The following RLN2 variants were observed in gnomAD, a reference collection of about 807,000 sequenced individuals.
RLN2 encodes prorelaxin H2.
In RLN2, 10 loss-of-function variants were observed where a neutral mutation model predicts 7.3. The observed-to-expected ratio is 1.36, with a 90% CI of 0.84 to 2.31. The LOEUF is 2.31. Among genes scored for constraint, RLN2 ranks in the 30% most tolerant of loss-of-function variants. The pLI is 0.00. For missense variants in RLN2, 298 were observed against 217.6 expected, an observed-to-expected ratio of 1.37 and a Z score of -2.32; for synonymous variants, 103 against 82.3, an observed-to-expected ratio of 1.25 and a Z score of -1.36.
chr9:5,301,263 C>G (rs1333710454), intron 1 of RLN2, among the ~76,000 whole-genome samples: 1 of 152,186 alleles, frequency 6.6e-6, no homozygotes, highest in African/African-American at 2.4e-5. Flanking sequence ...GCATCCCAGG[C>G]TGGCCAAATG....
the RLN2 span, among the ~76,000 whole-genome samples, chr9:5,328,278 T>C: frequency 2.0e-5 from 3 of 151,968 alleles, no homozygotes; most frequent in Non-Finnish European, 2.9e-5. Flanking sequence ...CAAGCTTCAA[T>C]TGCTGATTCG....
At chr9:5,330,732 T>C in the RLN2 span, among the ~76,000 whole-genome samples, 1 of 92,372 alleles carries the variant, frequency 1.1e-5, no homozygotes, top group Non-Finnish European at 2.1e-5. Context: ...AAGAAATAAC[T>C]AAGATCAGAG....
chr9:5,306,107 T>G (rs370557183), upstream of RLN2, among the ~76,000 whole-genome samples: 69 of 139,112 alleles, frequency 5.0e-4, no homozygotes, highest in African/African-American at 6.0e-4. Context: ...TTTTTGTTTT[T>G]TGTTTTTTTT....
upstream of RLN2, among the ~76,000 whole-genome samples, chr9:5,307,271 G>GAGGATGGATA (rs1816269990): frequency 2.0e-4 from 28 of 143,584 alleles, no homozygotes; most frequent in African/African-American, 6.8e-4. Context: ...GATAGATAGA[G>GAGGATGGATA]GATAGATAGA....
the RLN2 span, among the ~76,000 whole-genome samples, chr9:5,327,692 G>A: frequency 6.6e-6 from 1 of 151,918 alleles, no homozygotes. Context: ...TGCCCCTCTG[G>A]GATGAAGCTT....
rs1381133733 is a variant in RLN2 at position 5,304,576 on chromosome 9, G to A, written c.5C>T (p.Pro2Leu). The A allele has an allele frequency of 6.2e-7, 1 of 1,613,712 alleles. No homozygotes were observed. The highest frequency in any genetic ancestry group is 1.7e-5 in the Admixed American group (1 of 60,008). The change falls in exon 1 of 2, where the codon CCT becomes CTT. Residue 2 changes from proline (P) to leucine (L), a missense_variant. Pro to Leu is a moderately conservative substitution (Grantham distance 98). Coordinates refer to ENST00000381627, the MANE Select transcript of RLN2 (RefSeq NM_134441.3). The part of the protein sequence containing the change: M[P>L]RLFFFHLLGV... ...TAGCAGGTGGAAAAAAAACAGGCGA[G>A]GCATCCTGGGCCTGGTCTCTCCTGG...
chr9:5,310,931 C>T, the RLN2 span, among the ~76,000 whole-genome samples: 2 of 151,930 alleles, frequency 1.3e-5, no homozygotes, highest in African/African-American at 4.8e-5. Flanking sequence ...TTTTGTTTTA[C>T]CTTCACTTAT....
upstream of RLN2, among the ~76,000 whole-genome samples, chr9:5,306,253 G>T (rs1189733615): frequency 1.3e-5 from 2 of 151,574 alleles, no homozygotes; most frequent in East Asian, 3.9e-4. Context: ...GATTACAGGT[G>T]TGCACCACCA....
At chr9:5,314,215 G>A in the RLN2 span, among the ~76,000 whole-genome samples, 1 of 152,074 alleles carries the variant, frequency 6.6e-6, no homozygotes. Flanking sequence ...CTGGGGATAG[G>A]TAGCCACAGT....
At chr9:5,312,059 T>G in the RLN2 span, among the ~76,000 whole-genome samples, 29 of 152,088 alleles carry the variant, frequency 1.9e-4, no homozygotes, top group South Asian at 8.3e-4. Context: ...TCATTGTTTT[T>G]GGGGGAAGGG....
At position 5,304,440 on chromosome 9, in the gene RLN2, G is replaced by A. The variant is rs544671340; in HGVS notation, c.141C>T (p.Cys47=). 2.5e-6 allele frequency: 4 copies of A among 1,612,666 alleles called. No individual in the cohort carries two copies. Among genetic ancestry groups the A allele is most frequent in the Admixed American group, 1.7e-5 (1 of 59,890 alleles). ...RELVRAQIAI[C]GMSTWSKRSL... ...ACCTTTTGCTCCAGGTGCTCATGCCGCAAATGGCAATCTGCGCGCGAACTA... is the reference window on the plus strand; with the variant it reads ...ACCTTTTGCTCCAGGTGCTCATGCCACAAATGGCAATCTGCGCGCGAACTA... The change falls in exon 1 of 2, where the codon TGC becomes TGT. Residue 47 remains cysteine (C), a synonymous_variant. Coordinates refer to ENST00000381627, the MANE Select transcript of RLN2 (RefSeq NM_134441.3).
the RLN2 span, among the ~76,000 whole-genome samples, chr9:5,329,367 G>C: frequency 3.4e-5 from 5 of 145,034 alleles, no homozygotes; most frequent in Non-Finnish European, 7.6e-5. Flanking sequence ...AAAATAACCA[G>C]CTAACATCAT....
the RLN2 span, among the ~76,000 whole-genome samples, chr9:5,337,906 T>C: frequency 6.3e-4 from 96 of 152,154 alleles, 1 homozygote; most frequent in South Asian, 1.7e-3. Flanking sequence ...CCAAAGAATC[T>C]TTAAGTTTAT....
chr9:5,326,174 G>A, the RLN2 span, among the ~76,000 whole-genome samples: 1 of 151,896 alleles, frequency 6.6e-6, no homozygotes, highest in Non-Finnish European at 1.5e-5. Context: ...ATAAATGCAG[G>A]TTTCTGTTAA....
At chr9:5,326,575 A>G in the RLN2 span, among the ~76,000 whole-genome samples, 2 of 152,004 alleles carry the variant, frequency 1.3e-5, no homozygotes, top group African/African-American at 4.8e-5. Context: ...TGGACAAGGA[A>G]GAGCAGGGTA....
the RLN2 span, chr9:5,335,130 T>G: frequency 1.7e-6 from 1 of 575,590 alleles, no homozygotes; most frequent in East Asian, 3.0e-5. Flanking sequence ...AAATGAAAAA[T>G]CTAAACATTA....
At chr9:5,333,121 G>A in the RLN2 span, among the ~76,000 whole-genome samples, 1 of 151,924 alleles carries the variant, frequency 6.6e-6, no homozygotes, top group Non-Finnish European at 1.5e-5. Flanking sequence ...CGTATGAAGG[G>A]GAGGACTACA....
At chr9:5,332,620 CTT>C in the RLN2 span, among the ~76,000 whole-genome samples, 36,697 of 138,124 alleles carry the variant, frequency 0.27, 4,926 homozygotes, top group East Asian at 0.41. Flanking sequence ...ACTGAATGTG[CTT>C]TTTTTTTTTT....
chr9:5,319,052 T>C, the RLN2 span, among the ~76,000 whole-genome samples: 9 of 152,094 alleles, frequency 5.9e-5, no homozygotes, highest in Admixed American at 2.0e-4. Context: ...GGTGAATCTC[T>C]AGAAATGACC....
Sources: gnomAD v4.1 joint callset for allele counts (sites outside exome capture counted in the v4.1 genomes callset) on GRCh38, gnomAD v4.1.1 for gene constraint, MANE v1.5 for transcripts, NCBI Gene and HGNC (gene_info 2026-07-23, HGNC 2026-07-21) for gene names.